The following IFI16 variants were observed in gnomAD, a reference collection of about 807,000 sequenced individuals.
The protein encoded by IFI16 is interferon gamma inducible protein 16.
Under a neutral mutation model 68.4 loss-of-function variants are expected in IFI16, and 49 were observed. That is an observed-to-expected ratio of 0.72 (90% confidence interval 0.57 to 0.91). The LOEUF is 0.91. Among genes scored for constraint, IFI16 ranks in the 40% least tolerant of loss-of-function variants. The probability of loss-of-function intolerance (pLI) is 0.00; values close to 1 mark genes in which losing one functional copy is unlikely to be tolerated. For missense variants in IFI16, 878 were observed against 942.9 expected, an observed-to-expected ratio of 0.93 and a Z score of 0.90; for synonymous variants, 307 against 315.0, an observed-to-expected ratio of 0.97 and a Z score of 0.27.
intron 3 of IFI16, 61 bp downstream of exon 3, chr1:159,016,048 TC>T: frequency 9.9e-7 from 1 of 1,008,028 alleles, no homozygotes. Context: ...CTACGGCTCT[TC>T]CACTCAATCT....
chr1:159,011,283 C>A (rs1652540723), intron 1 of IFI16, among the ~76,000 whole-genome samples: 1 of 151,820 alleles, frequency 6.6e-6, no homozygotes, highest in Non-Finnish European at 1.5e-5. Context: ...ACTCAGGAGA[C>A]TGAGGCAGGA....
intron 6 of IFI16, among the ~76,000 whole-genome samples, chr1:159,025,566 C>T (rs1653612355): frequency 6.6e-6 from 1 of 151,990 alleles, no homozygotes; most frequent in Non-Finnish European, 1.5e-5. Context: ...CTCATAGATT[C>T]TGGATATTAG....
chr1:159,048,110 TC>T (rs1405602347), intron 8 of IFI16, among the ~76,000 whole-genome samples: 1 of 150,368 alleles, frequency 6.7e-6, no homozygotes, highest in Non-Finnish European at 1.5e-5. Context: ...CTATTATGCT[TC>T]CTATATTACC....
At chr1:159,008,526 A>G (rs1652354959), upstream of IFI16, among the ~76,000 whole-genome samples, 1 of 152,220 alleles carries the variant, frequency 6.6e-6, no homozygotes, top group South Asian at 2.1e-4. Context: ...ACATTACTGC[A>G]TATAAAATGA....
At chr1:159,038,487 C>T (rs961398068) in intron 7 of IFI16, among the ~76,000 whole-genome samples, 3 of 152,110 alleles carry the variant, frequency 2.0e-5, no homozygotes. Flanking sequence ...GCCTCAGCCT[C>T]TCAAGTAGAT....
chr1:159,030,042 C>T (rs1383567687), intron 6 of IFI16, among the ~76,000 whole-genome samples: 1 of 151,998 alleles, frequency 6.6e-6, no homozygotes, highest in African/African-American at 2.4e-5. Context: ...ATTCACAAGC[C>T]TTGTCTTCAA....
At position 159,040,764 on chromosome 1, in the gene IFI16, C is replaced by T. The variant is rs1654582452; in HGVS notation, c.1330-4533C>T. On this transcript the variant is annotated intron_variant, in intron 7 of 11. Transcript: ENST00000295809. ...TGTTGGGCATTTACTAGGGTCTAGGCTCTAAACTTATTAGCTATGTATATT... is the reference window on the plus strand; with the variant it reads ...TGTTGGGCATTTACTAGGGTCTAGGTTCTAAACTTATTAGCTATGTATATT... 2.6e-5 allele frequency among the ~76,000 whole-genome samples: 4 copies of T among 152,148 alleles called. No individual in the cohort carries two copies. The South Asian group carries it at 8.3e-4, about 32-fold the overall frequency.
chr1:159,023,117 T>A (rs182526053), intron 6 of IFI16, among the ~76,000 whole-genome samples: 5 of 136,470 alleles, frequency 3.7e-5, no homozygotes, highest in East Asian at 1.9e-4. Flanking sequence ...TGAAGTTAAA[T>A]TTTTTTTTTA....
chr1:159,007,825 TCCAGAAGAC>T (rs1571822073), upstream of IFI16, among the ~76,000 whole-genome samples: 2 of 152,162 alleles, frequency 1.3e-5, no homozygotes, highest in East Asian at 3.9e-4. Context: ...ACCCTCAGCA[TCCAGAAGAC>T]CCAAATCAAC....
intron 8 of IFI16, among the ~76,000 whole-genome samples, chr1:159,047,034 A>T (rs1464756789): frequency 6.6e-6 from 1 of 151,124 alleles, no homozygotes; most frequent in East Asian, 1.9e-4. Context: ...CCTACAATCC[A>T]GCGCTATGGG....
upstream of IFI16, among the ~76,000 whole-genome samples, chr1:159,001,433 T>C (rs1652056974): frequency 6.6e-6 from 1 of 152,234 alleles, no homozygotes; most frequent in Non-Finnish European, 1.5e-5. Context: ...CTTATTATTT[T>C]TTCCTATAGA....
chr1:159,046,712 G>A (rs1431702156), intron 8 of IFI16, among the ~76,000 whole-genome samples: 4 of 150,870 alleles, frequency 2.7e-5, no homozygotes, highest in Admixed American at 6.6e-5. Flanking sequence ...TCTCAATTCT[G>A]TCCCCAAATA....
At chr1:159,002,571 T>C (rs1571814847), upstream of IFI16, among the ~76,000 whole-genome samples, 1 of 152,224 alleles carries the variant, frequency 6.6e-6, no homozygotes, top group Non-Finnish European at 1.5e-5. Context: ...ATACCATTTG[T>C]ATTTCTTCAT....
intron 1 of IFI16, among the ~76,000 whole-genome samples, chr1:159,010,580 A>C (rs752939634): frequency 3.3e-5 from 5 of 152,236 alleles, no homozygotes; most frequent in Non-Finnish European, 5.9e-5. Flanking sequence ...ATATCTGAGC[A>C]TAGAGATGTA....
At position 159,018,396 on chromosome 1, in the gene IFI16, C is replaced by G. The variant is rs769563113; in HGVS notation, c.717C>G (p.Phe239Leu). ...FHATVATQTQ[F>L]FHVKVLNTSL... ...CTACAGTGGCTACACAGACACAGTTCTTCCATGTGAAGGTTTTAAACACCA... is the reference window on the plus strand; with the variant it reads ...CTACAGTGGCTACACAGACACAGTTGTTCCATGTGAAGGTTTTAAACACCA... Residue 239 changes from phenylalanine (F) to leucine (L), a missense_variant, in exon 5 of 12, where the codon TTC becomes TTG. This residue lies in a region of IFI16 where 443 missense variants were observed against 421.8 expected (regional missense o/e 1.05). Coordinates refer to ENST00000295809, the MANE Select transcript of IFI16 (RefSeq NM_001376587.1). The G allele has an allele frequency of 1.2e-6, 2 of 1,614,032 alleles. No homozygotes were observed. The highest frequency in any genetic ancestry group is 1.7e-6 in the Non-Finnish European group (2 of 1,179,924).
chr1:159,006,644 C>T (rs1652271482), upstream of IFI16, among the ~76,000 whole-genome samples: 1 of 152,096 alleles, frequency 6.6e-6, no homozygotes, highest in Non-Finnish European at 1.5e-5. Flanking sequence ...TAGAGAGAGT[C>T]TTATTTACAT....
chr1:159,020,574 A>T (rs1463244365), intron 6 of IFI16, 45 bp downstream of exon 6: 1 of 1,464,542 alleles, frequency 6.8e-7, no homozygotes, highest in African/African-American at 1.4e-5. Flanking sequence ...AGTGGAAATG[A>T]TTTGCTTTAA....
intron 7 of IFI16, among the ~76,000 whole-genome samples, chr1:159,033,438 G>T (rs191254069): frequency 6.6e-6 from 1 of 152,320 alleles, no homozygotes; most frequent in Admixed American, 6.5e-5. Context: ...TTAGAACATG[G>T]AACAACAATG....
At position 159,013,954 on chromosome 1, in the gene IFI16, A is replaced by G. The variant is rs75999573; in HGVS notation, c.-20-707A>G. Among the ~76,000 whole-genome samples, 1,389 of 151,934 alleles carry G rather than the reference A, an allele frequency of 9.1e-3. 23 individuals carry two copies. The highest frequency in any genetic ancestry group is 0.032 in the African/African-American group (1,313 of 41,360). On this transcript the variant is annotated intron_variant, in intron 1 of 11. Transcript: ENST00000295809. ...AATGTGGCTTATCGAGAGAAAACTG[A>G]TTGTGCGAAAAGAAATAATTAGACA... is the stretch of plus-strand genomic sequence containing the variant.
Sources: allele counts gnomAD v4.1 joint callset (sites outside exome capture counted in the v4.1 genomes callset), GRCh38; gene constraint gnomAD v4.1.1; regional missense constraint gnomAD v4.1.1; transcripts MANE v1.5; gene names NCBI Gene and HGNC (gene_info 2026-07-23, HGNC 2026-07-21).